Variants in SUPT3H observed in about 807,000 individuals in gnomAD.
SUPT3H encodes the protein SPT3 homolog, SAGA and STAGA complex component, also known as transcription initiation protein SPT3 homolog.
In SUPT3H, 44 loss-of-function variants were observed where a neutral mutation model predicts 44.3. The ratio of observed to expected loss-of-function variants is 0.99; its 90% CI spans 0.78 to 1.28. The LOEUF is 1.28. Among genes scored for constraint, SUPT3H ranks in the 50% most tolerant of loss-of-function variants. The pLI, the probability that SUPT3H is intolerant of heterozygous loss-of-function variation, is 0.00. For missense variants in SUPT3H, 380 were observed against 387.1 expected (o/e 0.98, Z 0.15); for synonymous variants, 124 against 125.6 (o/e 0.99, Z 0.09).
At chr6:44,948,517 C>T (rs998002564) in intron 9 of SUPT3H, among the ~76,000 whole-genome samples, 3 of 152,166 alleles carry the variant, frequency 2.0e-5, no homozygotes, top group Non-Finnish European at 4.4e-5. Flanking sequence ...TATCCAGAAT[C>T]TACAAAGAAC....
chr6:45,232,815 T>C (rs1355303095), intron 2 of SUPT3H, among the ~76,000 whole-genome samples: 1 of 152,008 alleles, frequency 6.6e-6, no homozygotes, highest in Non-Finnish European at 1.5e-5. Context: ...ACACACAAAC[T>C]GAAGATCCCA....
At chr6:45,357,445 C>T (rs1793444272) in intron 2 of SUPT3H, among the ~76,000 whole-genome samples, 1 of 142,196 alleles carries the variant, frequency 7.0e-6, no homozygotes, top group South Asian at 2.2e-4. Flanking sequence ...ATCCTCCTGC[C>T]TCAGCCTCCC....
intron 1 of SUPT3H, among the ~76,000 whole-genome samples, chr6:45,366,789 A>G (rs926552170): frequency 7.9e-5 from 12 of 152,210 alleles, no homozygotes; most frequent in African/African-American, 2.9e-4. Context: ...GCACCCTACA[A>G]TTTGTAAGAA....
chr6:45,197,570 T>C, intron 2 of SUPT3H: 1 of 274,186 alleles, frequency 3.6e-6, no homozygotes. Flanking sequence ...GAATTCAAAT[T>C]GAAATATGCA....
chr6:45,213,909 A>T (rs1764550454), intron 2 of SUPT3H, among the ~76,000 whole-genome samples: 1 of 149,464 alleles, frequency 6.7e-6, no homozygotes, highest in African/African-American at 2.4e-5. Flanking sequence ...GCTTATTTCA[A>T]ATTTCTAAAA....
rs368404697 is a variant in SUPT3H at position 45,305,625 on chromosome 6, CTA to C, written c.101+59574_101+59575del. On this transcript the variant is annotated intron_variant, in intron 2 of 10. Coordinates refer to ENST00000371459, the MANE Select transcript of SUPT3H (RefSeq NM_003599.4). ...TCCTTCTGGTCCCTTCTAATATACA[CTA>C]TATACCACATTGCTATTAGATGATT... Among the ~76,000 whole-genome samples the C allele has an allele frequency of 4.9e-4, 74 of 152,270 alleles. 1 individual carries two copies. In the South Asian group the frequency reaches 0.015, roughly 31 times the overall value.
At chr6:44,918,174 A>G (rs1235347834) in intron 10 of SUPT3H, among the ~76,000 whole-genome samples, 1 of 152,216 alleles carries the variant, frequency 6.6e-6, no homozygotes, top group Non-Finnish European at 1.5e-5. Flanking sequence ...CCAACATTTT[A>G]AGTAACTGCT....
intron 4 of SUPT3H, among the ~76,000 whole-genome samples, chr6:45,019,346 C>T (rs1391031861): frequency 6.6e-6 from 1 of 151,936 alleles, no homozygotes; most frequent in African/African-American, 2.4e-5. Context: ...GTGTCTATTT[C>T]CTTCAGTTCT....
chr6:45,019,567 T>C (rs2153517130), intron 4 of SUPT3H, among the ~76,000 whole-genome samples: 1 of 152,162 alleles, frequency 6.6e-6, no homozygotes, highest in East Asian at 1.9e-4. Flanking sequence ...ACACTTAGAA[T>C]GTATTATCAC....
chr6:45,072,573 A>C (rs1052291701), intron 3 of SUPT3H, among the ~76,000 whole-genome samples: 4 of 152,166 alleles, frequency 2.6e-5, no homozygotes, highest in Non-Finnish European at 4.4e-5. Flanking sequence ...TCTCATTTTT[A>C]AAGTTCTTTT....
At chr6:45,290,712 C>T (rs976128776) in intron 2 of SUPT3H, among the ~76,000 whole-genome samples, 6 of 152,058 alleles carry the variant, frequency 3.9e-5, no homozygotes, top group African/African-American at 9.7e-5. Flanking sequence ...TATCCAATTC[C>T]GAATTATTTC....
chr6:45,363,623 TAAC>T (rs1463911944), intron 2 of SUPT3H, among the ~76,000 whole-genome samples: 1 of 151,986 alleles, frequency 6.6e-6, no homozygotes, highest in Non-Finnish European at 1.5e-5. Flanking sequence ...ATAATTAACA[TAAC>T]ACAACATAAA....
intron 3 of SUPT3H, among the ~76,000 whole-genome samples, chr6:45,074,179 C>T (rs778970969): frequency 3.3e-5 from 5 of 151,830 alleles, no homozygotes; most frequent in Non-Finnish European, 7.4e-5. Context: ...AAAAAAGCTC[C>T]ACTATCTATC....
intron 6 of SUPT3H, among the ~76,000 whole-genome samples, chr6:44,969,766 A>G (rs549272876): frequency 6.6e-6 from 1 of 152,314 alleles, no homozygotes; most frequent in South Asian, 2.1e-4. Context: ...AATGCAGTAT[A>G]TTTTCTATAT....
chr6:45,093,391 TACTA>T (rs1288233542), intron 3 of SUPT3H, among the ~76,000 whole-genome samples: 1 of 152,174 alleles, frequency 6.6e-6, no homozygotes, highest in Non-Finnish European at 1.5e-5. Context: ...AGTAGATGTT[TACTA>T]ACTGTTATTT....
At chr6:45,178,249 A>C (rs1040268086) in intron 2 of SUPT3H, among the ~76,000 whole-genome samples, 1 of 152,204 alleles carries the variant, frequency 6.6e-6, no homozygotes, top group African/African-American at 2.4e-5. Flanking sequence ...GGAAAACAAA[A>C]AAAGGCAGGG....
intron 9 of SUPT3H, among the ~76,000 whole-genome samples, chr6:44,940,870 C>T (rs538480654): frequency 1.3e-5 from 2 of 152,176 alleles, no homozygotes; most frequent in South Asian, 4.1e-4. Context: ...ATCTAAGTAT[C>T]ACTACTGCTG....
Position 44,843,813 on chromosome 6 carries a change from C to T in SUPT3H, c.913-13956G>A, listed in dbSNP as rs114567804. Among the ~76,000 whole-genome samples the T allele has an allele frequency of 8.1e-3, 1,230 of 151,932 alleles. 15 individuals are homozygous for T. Among genetic ancestry groups the T allele is most frequent in the African/African-American group, 0.028 (1,165 of 41,442 alleles). ...TTTTCCATAGACTTATCTATAGAGT[C>T]GGTGTAATTCTTTTCTAAATCCTAC... On this transcript the variant is annotated intron_variant, in intron 10 of 10. Transcript: ENST00000371459.
intron 3 of SUPT3H, among the ~76,000 whole-genome samples, chr6:45,025,356 C>A (rs2153520728): frequency 6.6e-6 from 1 of 152,296 alleles, no homozygotes; most frequent in East Asian, 1.9e-4. Context: ...TCCTGCCTCC[C>A]AAATTTCTTT....
Sources: allele counts gnomAD v4.1 joint callset (sites outside exome capture counted in the v4.1 genomes callset), GRCh38; gene constraint gnomAD v4.1.1; transcripts MANE v1.5; gene names NCBI Gene and HGNC (gene_info 2026-07-23, HGNC 2026-07-21).